PHF3: variants seen among roughly 807,000 people sequenced by gnomAD.
PHF3 encodes PHD finger protein 3.
Under a neutral mutation model 178.4 loss-of-function variants are expected in PHF3, and 41 were observed. The ratio of observed to expected loss-of-function variants is 0.23; its 90% CI spans 0.18 to 0.30. PHF3 has a LOEUF of 0.30. PHF3 is among the 10% of genes least tolerant of loss of function. PHF3 has a pLI of 1.00. For synonymous variants in PHF3, 842 were observed against 800.5 expected, an observed-to-expected ratio of 1.05 and a Z score of -0.88; for missense variants, 2,346 against 2,398.1, an observed-to-expected ratio of 0.98 and a Z score of 0.45.
chr6:63,706,600 T>A lies in PHF3; in HGVS notation c.3564-129T>A. ...TGAATGTAATTTTATAAAATGAAAGTGTGAACTCTTTGTCAATAGCCTCAT... is the reference window on the plus strand; with the variant it reads ...TGAATGTAATTTTATAAAATGAAAGAGTGAACTCTTTGTCAATAGCCTCAT... On this transcript the variant is annotated intron_variant, in intron 12 of 15. Transcript: ENST00000262043. 3 of 706,320 alleles carry A rather than the reference T, an allele frequency of 4.2e-6. No individual in the cohort carries two copies. The South Asian group carries it at 6.1e-5, about 14-fold the overall frequency. The allele number at this position is 706,320 out of a possible 1,614,324, so 43.8% of individuals were successfully genotyped here.
At chr6:63,652,126 A>G (rs981232581) in intron 2 of PHF3, among the ~76,000 whole-genome samples, 4 of 152,176 alleles carry the variant, frequency 2.6e-5, no homozygotes, top group Admixed American at 6.5e-5. Context: ...TATGTTTTCC[A>G]TAATGACAGT....
chr6:63,708,452 G>A (rs899388162), intron 13 of PHF3, among the ~76,000 whole-genome samples: 3 of 151,028 alleles, frequency 2.0e-5, no homozygotes, highest in Non-Finnish European at 1.5e-5. Context: ...TTTCACTTCC[G>A]TTTTGTACTT....
chr6:63,666,540 A>G (rs768719648), intron 2 of PHF3, among the ~76,000 whole-genome samples: 6 of 151,902 alleles, frequency 3.9e-5, no homozygotes, highest in Admixed American at 1.3e-4. Flanking sequence ...CCCTGCCACA[A>G]TACCAGTATA....
chr6:63,703,396 A>C, intron 10 of PHF3, 140 bp from the exon 11 acceptor site: 1 of 845,438 alleles, frequency 1.2e-6, no homozygotes, highest in Non-Finnish European at 1.8e-6. Context: ...TAGTAAAAAA[A>C]AACCAAAAAA....
At chr6:63,705,058 C>T (rs1254751422) in intron 11 of PHF3, among the ~76,000 whole-genome samples, 1 of 152,152 alleles carries the variant, frequency 6.6e-6, no homozygotes, top group African/African-American at 2.4e-5. Flanking sequence ...TTATATGCCA[C>T]CTGTATAGCT....
At chr6:63,703,384 A>G (rs1767558083) in intron 10 of PHF3, 152 bp from the exon 11 acceptor site, 3 of 714,600 alleles carry the variant, frequency 4.2e-6, no homozygotes, top group Non-Finnish European at 6.7e-6. Flanking sequence ...TTTCTTAAGA[A>G]ATAGTAAAAA....
intron 2 of PHF3, among the ~76,000 whole-genome samples, chr6:63,647,159 A>C (rs562256851): frequency 6.6e-6 from 1 of 152,032 alleles, no homozygotes; most frequent in Non-Finnish European, 1.5e-5. Flanking sequence ...TTGCCCGGCA[A>C]ATTGAGACAT....
At chr6:63,645,903 A>G (rs1764764235) in intron 1 of PHF3, among the ~76,000 whole-genome samples, 1 of 152,050 alleles carries the variant, frequency 6.6e-6, no homozygotes. Context: ...GTGTTTGTGC[A>G]CATCTTTGTG....
chr6:63,721,513 C>T lies in PHF3; in HGVS notation c.*7805C>T, dbSNP rs1199823182. 1 of 1,551,202 alleles carries T rather than the reference C, an allele frequency of 6.4e-7. No individual in the cohort carries two copies. Among genetic ancestry groups the T allele is most frequent in the Non-Finnish European group, 8.7e-7 (1 of 1,146,478 alleles). On this transcript the variant is annotated 3_prime_UTR_variant, in exon 16 of 16. Coordinates refer to ENST00000262043, the MANE Select transcript of PHF3 (RefSeq NM_001370348.2). Reference sequence around the variant, plus strand: ...ATACAGCCTTGAAAACCTACAGGTTCATTTTCTATTGCCATGGGATTTACA... The same window carrying T: ...ATACAGCCTTGAAAACCTACAGGTTTATTTTCTATTGCCATGGGATTTACA...
chr6:63,635,853 G>A lies in PHF3; in HGVS notation c.-323G>A, dbSNP rs550868330. Reference sequence around the variant, plus strand: ...TCCAGCTCCCGCGCCGCCGCCGCACGCCGATGGCTGCGGGGTCTCGCGCCG... The same window carrying A: ...TCCAGCTCCCGCGCCGCCGCCGCACACCGATGGCTGCGGGGTCTCGCGCCG... On this transcript the variant is annotated 5_prime_UTR_variant, in exon 1 of 16. Coordinates refer to ENST00000262043, the MANE Select transcript of PHF3 (RefSeq NM_001370348.2). 560 of 396,710 alleles carry A rather than the reference G, an allele frequency of 1.4e-3. 1 individual carries two copies. The highest frequency in any genetic ancestry group is 1.4e-3 in the Non-Finnish European group (321 of 224,808). The allele number at this position is 396,710 out of a possible 1,614,324, so 24.6% of individuals were successfully genotyped here.
intron 4 of PHF3, 128 bp from the exon 5 acceptor site, chr6:63,691,609 C>A (rs1057498868): frequency 1.3e-6 from 1 of 754,482 alleles, no homozygotes; most frequent in Non-Finnish European, 2.2e-6. Context: ...ACTTATGGAA[C>A]GGATAGAGAT....
Position 63,703,689 on chromosome 6 carries a change from T to G in PHF3, c.3367+18T>G. 1.9e-6 allele frequency: 3 copies of G among 1,581,602 alleles called. No individual in the cohort carries two copies. Among genetic ancestry groups the G allele is most frequent in the Non-Finnish European group, 2.6e-6 (3 of 1,170,390 alleles). ...CTGCATAGGTAATTGGAAGTTTTTC[T>G]TCGTAAAATTTTGCATTCATTATGA... On this transcript the variant is annotated intron_variant, in intron 11 of 15. Coordinates refer to ENST00000262043, the MANE Select transcript of PHF3 (RefSeq NM_001370348.2).
At chr6:63,697,955 CTT>C (rs1767303715) in intron 6 of PHF3, among the ~76,000 whole-genome samples, 1 of 152,032 alleles carries the variant, frequency 6.6e-6, no homozygotes, top group South Asian at 2.1e-4. Flanking sequence ...TTTCTGAAAA[CTT>C]TTTAAAAGTT....
At chr6:63,659,556 C>T (rs1408821996) in intron 2 of PHF3, among the ~76,000 whole-genome samples, 1 of 152,166 alleles carries the variant, frequency 6.6e-6, no homozygotes, top group Non-Finnish European at 1.5e-5. Context: ...CTAGCTCTAT[C>T]TTACTAAATC....
chr6:63,677,174 C>G (rs1032151020), intron 2 of PHF3, among the ~76,000 whole-genome samples: 2 of 152,012 alleles, frequency 1.3e-5, no homozygotes, highest in Non-Finnish European at 2.9e-5. Context: ...TTCTGAAGGT[C>G]TCATGAGCTT....
At chr6:63,689,882 T>C (rs1766920931) in intron 4 of PHF3, among the ~76,000 whole-genome samples, 1 of 152,196 alleles carries the variant, frequency 6.6e-6, no homozygotes, top group Non-Finnish European at 1.5e-5. Context: ...AGACTTGCTT[T>C]GAAGAAATCT....
chr6:63,640,752 A>G (rs1764537421), intron 1 of PHF3, among the ~76,000 whole-genome samples: 1 of 152,230 alleles, frequency 6.6e-6, no homozygotes, highest in Admixed American at 6.5e-5. Flanking sequence ...TTTTTATATA[A>G]TCAGGATAAT....
At chr6:63,667,410 C>T (rs1765727183) in intron 2 of PHF3, among the ~76,000 whole-genome samples, 1 of 152,080 alleles carries the variant, frequency 6.6e-6, no homozygotes, top group East Asian at 1.9e-4. Flanking sequence ...TAGTCATCAC[C>T]AATATTCAAC....
rs766309701 is a variant in PHF3, at chr6:63,713,659, G to A, written c.6071G>A (p.Arg2024Lys). ...AGAGAAGGAGAAAAGGACAGGGATA[G>A]GTACCACAAAGATAGGGACCACACT... ...KHREGEKDRD[R>K]YHKDRDHTDR... Residue 2024 changes from arginine (R) to lysine (K), a missense_variant, in exon 16 of 16, where the codon AGG becomes AAG. Arg to Lys is a conservative substitution (Grantham distance 26). Transcript: ENST00000262043. 1 of 1,602,124 alleles carries A rather than the reference G, an allele frequency of 6.2e-7. No individual in the cohort carries two copies. Among genetic ancestry groups the A allele is most frequent in the Non-Finnish European group, 8.5e-7 (1 of 1,176,724 alleles).
Sources: allele counts gnomAD v4.1 joint callset (sites outside exome capture counted in the v4.1 genomes callset), GRCh38; gene constraint gnomAD v4.1.1; transcripts MANE v1.5; gene names NCBI Gene and HGNC (gene_info 2026-07-23, HGNC 2026-07-21).